Variants in ARHGEF12 observed in about 807,000 individuals in gnomAD.
ARHGEF12 encodes the protein Rho guanine nucleotide exchange factor 12, also known as KMT2A/ARHGEF12 fusion protein.
Under a neutral mutation model 211.2 loss-of-function variants are expected in ARHGEF12, and 66 were observed. The observed-to-expected ratio is 0.31, with a 90% CI of 0.26 to 0.38. ARHGEF12 has a LOEUF of 0.38. Ranked by LOEUF, ARHGEF12 falls within the 10% of genes least tolerant of loss-of-function variation. The pLI is 1.00. For missense variants in ARHGEF12, 1,429 were observed against 1,869.5 expected (o/e 0.76, Z 4.34); for synonymous variants, 592 against 638.4 (o/e 0.93, Z 1.09).
chr11:120,445,592 TATAATAC>T, intron 16 of ARHGEF12, 128 bp downstream of exon 16: 1 of 976,596 alleles, frequency 1.0e-6, no homozygotes, highest in Non-Finnish European at 1.6e-6. Flanking sequence ...AAAGACAGTC[TATAATAC>T]ATTTAAAGAG....
intron 4 of ARHGEF12, among the ~76,000 whole-genome samples, chr11:120,420,217 G>A (rs1945145040): frequency 6.6e-6 from 1 of 151,892 alleles, no homozygotes; most frequent in Non-Finnish European, 1.5e-5. Context: ...TCCCTTCTTT[G>A]GGGAATAACT....
chr11:120,443,033 T>A (rs1280522631), intron 15 of ARHGEF12, among the ~76,000 whole-genome samples: 4 of 150,640 alleles, frequency 2.7e-5, no homozygotes, highest in Admixed American at 2.0e-4. Flanking sequence ...TTTTTTTTTT[T>A]TTTTTTGAGA....
At chr11:120,459,113 A>C (rs961268590) in intron 25 of ARHGEF12, 61 bp from the exon 26 acceptor site, 1 of 1,369,614 alleles carries the variant, frequency 7.3e-7, no homozygotes, top group Non-Finnish European at 9.7e-7. Context: ...GCTAAAGACT[A>C]TGATTGATCC....
At chr11:120,366,373 G>A (rs573170919) in intron 1 of ARHGEF12, among the ~76,000 whole-genome samples, 1 of 152,260 alleles carries the variant, frequency 6.6e-6, no homozygotes, top group African/African-American at 2.4e-5. Flanking sequence ...GCCCAGGCTG[G>A]TCTCCAACTT....
rs192338626 is a variant in ARHGEF12, at chr11:120,474,172, C to T, written c.3034-388C>T. On this transcript the variant is annotated intron_variant, in intron 31 of 40. Transcript: ENST00000397843. ...TCTTTGAAATTAGAGCCTTGGAACTCAGAAGCCACTTTCTTATAGACAAGC... is the reference window on the plus strand; with the variant it reads ...TCTTTGAAATTAGAGCCTTGGAACTTAGAAGCCACTTTCTTATAGACAAGC... Among the ~76,000 whole-genome samples the T allele has an allele frequency of 4.6e-5, 7 of 152,296 alleles. No homozygotes were observed. In the East Asian group the frequency reaches 1.4e-3, roughly 29 times the overall value.
chr11:120,411,375 A>G (rs1384594956), intron 4 of ARHGEF12: 3 of 152,078 alleles, frequency 2.0e-5, no homozygotes, highest in East Asian at 1.9e-4. Flanking sequence ...CATAGATGAA[A>G]AAGTCTCTCT....
chr11:120,369,974 G>C (rs549803308), intron 1 of ARHGEF12, among the ~76,000 whole-genome samples: 1 of 152,128 alleles, frequency 6.6e-6, no homozygotes, highest in East Asian at 1.9e-4. Context: ...GGTGTTTGTT[G>C]CTCCTATGCA....
At chr11:120,345,843 G>A (rs936865707) in intron 1 of ARHGEF12, among the ~76,000 whole-genome samples, 7 of 151,754 alleles carry the variant, frequency 4.6e-5, no homozygotes, top group African/African-American at 1.7e-4. Context: ...TAGCTAATAC[G>A]TGAGTTCTTC....
At chr11:120,367,564 C>G (rs1424922597) in intron 1 of ARHGEF12, among the ~76,000 whole-genome samples, 1 of 151,892 alleles carries the variant, frequency 6.6e-6, no homozygotes, top group African/African-American at 2.4e-5. Context: ...TGGGGTTTCA[C>G]CATGTTGGTC....
Position 120,486,025 on chromosome 11 carries a change from A to G in ARHGEF12, c.*948A>G, listed in dbSNP as rs1277127932. ...GTAAAACTGTCCCTGCAGATTGAGC[A>G]GGAAGTAAAAACAAATGGAAATGCT... On this transcript the variant is annotated 3_prime_UTR_variant, in exon 41 of 41. Transcript: ENST00000397843. 1 of 217,848 alleles carries G rather than the reference A, an allele frequency of 4.6e-6. No individual in the cohort carries two copies. The highest frequency in any genetic ancestry group is 9.2e-6 in the Non-Finnish European group (1 of 108,186). The allele number at this position is 217,848 out of a possible 1,614,324, so 13.5% of individuals were successfully genotyped here. A position where few individuals can be genotyped will look rare whatever the true frequency, so the allele number is the denominator to read the frequency against.
intron 29 of ARHGEF12, among the ~76,000 whole-genome samples, chr11:120,468,886 T>G (rs558646102): frequency 6.6e-6 from 1 of 152,366 alleles, no homozygotes; most frequent in African/African-American, 2.4e-5. Flanking sequence ...GTTTAACAAG[T>G]TCACTGGACA....
intron 1 of ARHGEF12, among the ~76,000 whole-genome samples, chr11:120,352,342 TAAG>T (rs1486988082): frequency 1.3e-5 from 2 of 152,186 alleles, no homozygotes; most frequent in Non-Finnish European, 2.9e-5. Flanking sequence ...AAAGTCCTTT[TAAG>T]AAGTTTAAGG....
At chr11:120,429,408 TG>T in intron 8 of ARHGEF12, 31 bp from the exon 9 acceptor site, 2 of 1,560,472 alleles carry the variant, frequency 1.3e-6, no homozygotes, top group Non-Finnish European at 1.8e-6. Flanking sequence ...CTATACTGGT[TG>T]TTGTTTGTTT....
At chr11:120,465,108 C>G in intron 27 of ARHGEF12, 129 bp from the exon 28 acceptor site, 1 of 1,172,720 alleles carries the variant, frequency 8.5e-7, no homozygotes, top group Non-Finnish European at 1.2e-6. Context: ...TGATATTCCA[C>G]ATAGATATGC....
intron 39 of ARHGEF12, among the ~76,000 whole-genome samples, chr11:120,482,323 T>C (rs1276694477): frequency 6.6e-6 from 1 of 152,160 alleles, no homozygotes; most frequent in Non-Finnish European, 1.5e-5. Flanking sequence ...CAGATAGAAA[T>C]TGGCTTCAGT....
intron 1 of ARHGEF12, among the ~76,000 whole-genome samples, chr11:120,356,912 G>C (rs1385805274): frequency 6.6e-6 from 1 of 152,130 alleles, no homozygotes; most frequent in Non-Finnish European, 1.5e-5. Context: ...ATTACTCTGT[G>C]AGGTATTCAC....
intron 22 of ARHGEF12, among the ~76,000 whole-genome samples, chr11:120,454,250 C>A (rs1255618999): frequency 2.6e-5 from 4 of 151,932 alleles, no homozygotes; most frequent in African/African-American, 9.7e-5. Flanking sequence ...AGAGTCAAGA[C>A]GTAAGATAAT....
chr11:120,337,012 C>T lies in ARHGEF12; in HGVS notation c.-232C>T. ...TCTCTCTAGCTCGACTCACTCTGGA[C>T]TGACTCGCTCCCTGGCTTTCTCAGT... On this transcript the variant is annotated 5_prime_UTR_variant, in exon 1 of 41. Coordinates refer to ENST00000397843, the MANE Select transcript of ARHGEF12 (RefSeq NM_015313.3). The T allele has an allele frequency of 1.7e-6, 1 of 600,750 alleles. No individual in the cohort carries two copies. The highest frequency in any genetic ancestry group is 2.0e-5 in the South Asian group (1 of 50,036). 37.2% of individuals were successfully genotyped at this position (600,750 alleles called of 1,614,324 possible). A position where few individuals can be genotyped will look rare whatever the true frequency, so the allele number is the denominator to read the frequency against.
rs751187080 is a variant in ARHGEF12 at position 120,429,509 on chromosome 11, C to T, written c.655C>T (p.Arg219Trp). 3.7e-6 allele frequency: 6 copies of T among 1,613,480 alleles called. No homozygotes were observed. The highest frequency in any genetic ancestry group is 3.3e-5 in the Admixed American group (2 of 59,964). Reference sequence around the variant, plus strand: ...AAAAATGTTACAGAAAGAACAGGAACGGCTACAGGTATTAAATGAGAAGTA... The same window carrying T: ...AAAAATGTTACAGAAAGAACAGGAATGGCTACAGGTATTAAATGAGAAGTA... ...LRKMLQKEQE[R>W]LQLLQEDYNR... The change falls in exon 9 of 41, where the codon CGG becomes TGG. Residue 219 changes from arginine (R) to tryptophan (W), a missense_variant. By Grantham distance (101) the Arg-to-Trp change is moderately radical. Transcript: ENST00000397843.
Sources: gnomAD v4.1 joint callset for allele counts (sites outside exome capture counted in the v4.1 genomes callset) on GRCh38, gnomAD v4.1.1 for gene constraint, MANE v1.5 for transcripts, NCBI Gene and HGNC (gene_info 2026-07-23, HGNC 2026-07-21) for gene names.